Variants in DENND1B observed in about 807,000 individuals in gnomAD.
DENND1B encodes DENN domain containing 1B.
DENND1B carries 59 observed loss-of-function variants against 90.1 expected under a neutral mutation model. The ratio of observed to expected loss-of-function variants is 0.65; its 90% CI spans 0.53 to 0.81. The LOEUF is 0.81. Among genes scored for constraint, DENND1B ranks in the 40% least tolerant of loss-of-function variants. The probability of loss-of-function intolerance (pLI) is 0.00; values close to 1 mark genes in which losing one functional copy is unlikely to be tolerated. For missense variants in DENND1B, 862 were observed against 912.6 expected, an observed-to-expected ratio of 0.94 and a Z score of 0.71; for synonymous variants, 337 against 324.6, an observed-to-expected ratio of 1.04 and a Z score of -0.41.
At chr1:197,619,559 C>A (rs1307353792) in intron 10 of DENND1B, among the ~76,000 whole-genome samples, 1 of 151,006 alleles carries the variant, frequency 6.6e-6, no homozygotes, top group Non-Finnish European at 1.5e-5. Context: ...TTTTTTGTTA[C>A]TGAGCAAATA....
At chr1:197,767,853 T>C (rs750248673) in intron 2 of DENND1B, among the ~76,000 whole-genome samples, 18 of 152,114 alleles carry the variant, frequency 1.2e-4, no homozygotes. Context: ...CCACATACAG[T>C]TTATACTCAA....
chr1:197,648,330 A>G (rs1680917346), intron 7 of DENND1B, among the ~76,000 whole-genome samples: 2 of 152,288 alleles, frequency 1.3e-5, no homozygotes, highest in South Asian at 4.1e-4. Context: ...AACATTACAC[A>G]CTTAGTGACT....
At chr1:197,610,687 T>C (rs1255282137) in intron 12 of DENND1B, among the ~76,000 whole-genome samples, 1 of 150,796 alleles carries the variant, frequency 6.6e-6, no homozygotes, top group African/African-American at 2.4e-5. Context: ...TATTCCACAA[T>C]CTAATAACAA....
chr1:197,586,122 T>C (rs1674671050), intron 14 of DENND1B, among the ~76,000 whole-genome samples: 1 of 152,194 alleles, frequency 6.6e-6, no homozygotes, highest in Non-Finnish European at 1.5e-5. Context: ...TAAGTCATTA[T>C]TGTCACTCTT....
chr1:197,608,259 T>C (rs1027778954), intron 12 of DENND1B, among the ~76,000 whole-genome samples: 3 of 150,772 alleles, frequency 2.0e-5, no homozygotes, highest in East Asian at 1.9e-4. Context: ...TCTAAAGCAA[T>C]GGTAGTCTAA....
chr1:197,675,908 C>A (rs1479972084), intron 3 of DENND1B, among the ~76,000 whole-genome samples: 1 of 151,692 alleles, frequency 6.6e-6, no homozygotes, highest in South Asian at 2.1e-4. Context: ...ATCTTTCACA[C>A]CCTCCCCCTC....
intron 20 of DENND1B, among the ~76,000 whole-genome samples, chr1:197,516,073 T>C (rs1233811339): frequency 6.6e-6 from 1 of 151,844 alleles, no homozygotes; most frequent in African/African-American, 2.4e-5. Flanking sequence ...TCATGTTTCC[T>C]AGCTAGACAA....
At chr1:197,693,586 A>C (rs920336487) in intron 3 of DENND1B, among the ~76,000 whole-genome samples, 5 of 151,718 alleles carry the variant, frequency 3.3e-5, no homozygotes, top group African/African-American at 1.2e-4. Context: ...TCTAATAAGT[A>C]ATACCATTCA....
intron 11 of DENND1B, 58 bp downstream of exon 11, chr1:197,617,601 A>T: frequency 7.8e-7 from 1 of 1,285,898 alleles, no homozygotes; most frequent in Non-Finnish European, 1.1e-6. Context: ...TTCACAAATA[A>T]ACAGATAATC....
intron 10 of DENND1B, among the ~76,000 whole-genome samples, chr1:197,619,662 A>G (rs1297218742): frequency 1.3e-5 from 2 of 151,234 alleles, no homozygotes; most frequent in African/African-American, 2.4e-5. Flanking sequence ...TTCACTGGGC[A>G]TACCCAGAGT....
chr1:197,777,597 T>A (rs1023472551), upstream of DENND1B, among the ~76,000 whole-genome samples: 16 of 152,182 alleles, frequency 1.1e-4, no homozygotes, highest in African/African-American at 3.9e-4. Flanking sequence ...TCATTTCATA[T>A]AGAACTTCCC....
At chr1:197,701,917 C>A (rs1393662972) in intron 3 of DENND1B, among the ~76,000 whole-genome samples, 2 of 152,120 alleles carry the variant, frequency 1.3e-5, no homozygotes, top group Admixed American at 6.5e-5. Flanking sequence ...TTCTACATAT[C>A]TATTCACTCT....
chr1:197,510,458 A>T lies in DENND1B; in HGVS notation c.*2T>A. On this transcript the variant is annotated 3_prime_UTR_variant, in exon 23 of 23. Coordinates refer to ENST00000620048, the MANE Select transcript of DENND1B (RefSeq NM_001195215.2). Reference sequence around the variant, plus strand: ...GTCTCCATAGAAGCTTGGATGCAAGATTTAAGTTTGGTTTCCATTTGTGTT... The same window carrying T: ...GTCTCCATAGAAGCTTGGATGCAAGTTTTAAGTTTGGTTTCCATTTGTGTT... 1 of 1,598,024 alleles carries T rather than the reference A, an allele frequency of 6.3e-7. No individual in the cohort carries two copies. The highest frequency in any genetic ancestry group is 8.5e-7 in the Non-Finnish European group (1 of 1,171,418).
intron 13 of DENND1B, among the ~76,000 whole-genome samples, chr1:197,598,230 T>C (rs756730677): frequency 1.9e-4 from 29 of 151,864 alleles, no homozygotes; most frequent in Admixed American, 2.0e-4. Context: ...TGACCTACTC[T>C]AGTGGGCTTC....
upstream of DENND1B, among the ~76,000 whole-genome samples, chr1:197,776,361 C>A (rs907217253): frequency 5.3e-5 from 8 of 152,164 alleles, no homozygotes; most frequent in African/African-American, 1.7e-4. Flanking sequence ...CCTCATATTG[C>A]CTGTCTCCCT....
chr1:197,707,357 C>T (rs1398483658), intron 3 of DENND1B, among the ~76,000 whole-genome samples: 4 of 151,858 alleles, frequency 2.6e-5, no homozygotes, highest in Non-Finnish European at 5.9e-5. Context: ...TTCTATAACA[C>T]TGTAGGGTGA....
chr1:197,544,307 A>G (rs962758180), intron 18 of DENND1B, among the ~76,000 whole-genome samples: 9 of 152,166 alleles, frequency 5.9e-5, no homozygotes, highest in Admixed American at 1.3e-4. Context: ...AGGCCAAGAA[A>G]CTGACATTCC....
intron 15 of DENND1B, among the ~76,000 whole-genome samples, chr1:197,574,847 T>G (rs1365846610): frequency 6.6e-6 from 1 of 152,184 alleles, no homozygotes; most frequent in Admixed American, 6.5e-5. Context: ...GGGGAAAGGA[T>G]TCCCGATTTA....
intron 3 of DENND1B, among the ~76,000 whole-genome samples, chr1:197,681,225 T>C (rs976779092): frequency 1.3e-5 from 2 of 152,266 alleles, no homozygotes; most frequent in South Asian, 2.1e-4. Flanking sequence ...TAGATACAGA[T>C]GTATGTACAA....
Sources: gnomAD v4.1 joint callset for allele counts (sites outside exome capture counted in the v4.1 genomes callset) on GRCh38, gnomAD v4.1.1 for gene constraint, MANE v1.5 for transcripts, NCBI Gene and HGNC (gene_info 2026-07-23, HGNC 2026-07-21) for gene names.